NHLRC2: variants seen among roughly 807,000 people sequenced by gnomAD.
The protein encoded by NHLRC2 is NHL repeat containing 2.
A neutral mutation model predicts 68.1 loss-of-function variants in NHLRC2; 33 were observed. The observed-to-expected ratio is 0.48, with a 90% CI of 0.37 to 0.65. NHLRC2 has a LOEUF of 0.65. Among genes scored for constraint, NHLRC2 ranks in the 30% least tolerant of loss-of-function variants. NHLRC2 has a pLI of 0.00. For synonymous variants in NHLRC2, 311 were observed against 309.6 expected, an observed-to-expected ratio of 1.00 and a Z score of -0.05; for missense variants, 761 against 853.8, an observed-to-expected ratio of 0.89 and a Z score of 1.35.
At position 113,913,309 on chromosome 10, in the gene NHLRC2, AC is replaced by A. The variant is rs370116058; in HGVS notation, c.*4777del. ...TATTTATAGTAACTTAATCCAAAGA[AC>A]CCCAAAAGTACTAGCAATGATTGTT... On this transcript the variant is annotated 3_prime_UTR_variant, in exon 11 of 11. Transcript: ENST00000369301. 2.4e-4 allele frequency: 36 copies of A among 152,322 alleles called. 1 individual carries two copies. The highest frequency in any genetic ancestry group is 8.4e-4 in the African/African-American group (35 of 41,572). 9.4% of individuals were successfully genotyped at this position (152,322 alleles called of 1,614,324 possible).
intron 6 of NHLRC2, 119 bp downstream of exon 6, chr10:113,898,328 C>G (rs1846194706): frequency 1.7e-6 from 1 of 576,024 alleles, no homozygotes; most frequent in Non-Finnish European, 3.2e-6. Context: ...ACTGCCATAG[C>G]ACACAACGCA....
chr10:113,854,902 C>T lies in NHLRC2; in HGVS notation c.30C>T (p.Ser10=), dbSNP rs779515376. Residue 10 remains serine (S), a synonymous_variant, in exon 1 of 11, where the codon AGC becomes AGT. Transcript: ENST00000369301. ...CGGCGCCCGGAGGCCGGGGCCGCAG[C>T]CTCTCCGGCCTGCTCCCCGCGCAGA... is the stretch of plus-strand genomic sequence containing the variant. MAAPGGRGR[S]LSGLLPAQTS... 2.6e-6 allele frequency: 4 copies of T among 1,550,252 alleles called. No homozygotes were observed. The highest frequency in any genetic ancestry group is 1.2e-5 in the South Asian group (1 of 84,074).
intron 2 of NHLRC2, 183 bp downstream of exon 2, chr10:113,858,863 T>C (rs1845788642): frequency 2.4e-6 from 1 of 415,914 alleles, no homozygotes; most frequent in Non-Finnish European, 4.3e-6. Flanking sequence ...TTAGTGATAG[T>C]GGTTTGCCTA....
rs1229229793 is a variant in NHLRC2 at position 113,902,605 on chromosome 10, CAG to C, written c.1494+14_1494+15del. 4.4e-6 allele frequency: 7 copies of C among 1,597,552 alleles called. No individual in the cohort carries two copies. Among genetic ancestry groups the C allele is most frequent in the Admixed American group, 3.7e-5 (2 of 54,632 alleles). ...CCTACAATCACAAGGTGAGTCGTGACAGAATTATATAATATCTTGCTTTTTGT... is the reference window on the plus strand; with the variant it reads ...CCTACAATCACAAGGTGAGTCGTGACAATTATATAATATCTTGCTTTTTGT... On this transcript the variant is annotated intron_variant, in intron 8 of 10. Transcript: ENST00000369301.
intron 2 of NHLRC2, 149 bp from the exon 3 acceptor site, chr10:113,876,372 A>G: frequency 2.1e-6 from 1 of 472,366 alleles, no homozygotes; most frequent in Non-Finnish European, 3.7e-6. Context: ...GTGTGTTAAA[A>G]TGCAGTTGAA....
At chr10:113,880,713 C>G (rs1023946858) in intron 4 of NHLRC2, among the ~76,000 whole-genome samples, 2 of 151,852 alleles carry the variant, frequency 1.3e-5, no homozygotes, top group African/African-American at 4.8e-5. Flanking sequence ...TATGTTTTGT[C>G]TACTACTGAA....
intron 5 of NHLRC2, among the ~76,000 whole-genome samples, chr10:113,887,704 G>A (rs143917979): frequency 0.011 from 1,719 of 152,126 alleles, 46 homozygotes; most frequent in African/African-American, 0.038. Context: ...CCCGGGAGGC[G>A]GAGGTTGCAG....
rs1846393332 is a variant in NHLRC2 at position 113,917,014 on chromosome 10, T to C, written c.*8478T>C. On this transcript the variant is annotated 3_prime_UTR_variant, in exon 11 of 11. Transcript: ENST00000369301. ...TTTCAGTGACTTTTTCAAGTGCATG[T>C]GTTAACAGAAGATTGTTTGGAACGA... 1 of 152,228 alleles carries C rather than the reference T, an allele frequency of 6.6e-6. No individual in the cohort carries two copies. Among genetic ancestry groups the C allele is most frequent in the African/African-American group, 2.4e-5 (1 of 41,464 alleles). The allele number at this position is 152,228 out of a possible 1,614,324, so 9.4% of individuals were successfully genotyped here.
At chr10:113,863,958 T>C (rs1256521079) in intron 2 of NHLRC2, among the ~76,000 whole-genome samples, 1 of 152,180 alleles carries the variant, frequency 6.6e-6, no homozygotes, top group Non-Finnish European at 1.5e-5. Context: ...AGCATTATTC[T>C]CAATAGCCAA....
intron 5 of NHLRC2, among the ~76,000 whole-genome samples, chr10:113,892,148 T>C (rs181802630): frequency 3.3e-5 from 5 of 152,266 alleles, no homozygotes; most frequent in Non-Finnish European, 5.9e-5. Context: ...TCACGGATGC[T>C]CTTAGGAGGG....
chr10:113,859,409 A>G (rs1443825583), intron 2 of NHLRC2, among the ~76,000 whole-genome samples: 1 of 152,182 alleles, frequency 6.6e-6, no homozygotes, highest in East Asian at 1.9e-4. Flanking sequence ...AAAAAAAGAG[A>G]TAGGGTCACC....
rs189064734 is a variant in NHLRC2, at chr10:113,891,976, A to G, written c.1040-6134A>G. ...GAACTCTGCTTGGTGTCAGTAGAGC[A>G]TTTTTTCATCTACCTTTTCCACAGC... is the stretch of plus-strand genomic sequence containing the variant. On this transcript the variant is annotated intron_variant, in intron 5 of 10. Transcript: ENST00000369301. Among the ~76,000 whole-genome samples, 292 of 152,106 alleles carry G rather than the reference A, an allele frequency of 1.9e-3. 2 individuals carry two copies. Among genetic ancestry groups the G allele is most frequent in the African/African-American group, 6.8e-3 (282 of 41,500 alleles).
intron 2 of NHLRC2, among the ~76,000 whole-genome samples, chr10:113,866,724 C>CCTCGCCTG (rs748969119): frequency 2.2e-4 from 33 of 151,940 alleles, no homozygotes; most frequent in Non-Finnish European, 3.5e-4. Flanking sequence ...TGTTCTCAAA[C>CCTCGCCTG]CTCGCCTGCC....
intron 10 of NHLRC2, among the ~76,000 whole-genome samples, chr10:113,906,171 A>G (rs1473844037): frequency 6.6e-6 from 1 of 152,230 alleles, no homozygotes; most frequent in Non-Finnish European, 1.5e-5. Context: ...AAATGGTGTC[A>G]CTGTAGGAGC....
intron 5 of NHLRC2, among the ~76,000 whole-genome samples, chr10:113,893,888 A>G (rs1846154557): frequency 6.6e-6 from 1 of 152,218 alleles, no homozygotes; most frequent in South Asian, 2.1e-4. Context: ...TAAAGCTTAG[A>G]GCTAAATTTG....
In NHLRC2 at chr10:113,879,838, T is replaced by A. The variant is rs1357280592; in HGVS notation, c.909+143T>A. 9.3e-6 allele frequency: 5 copies of A among 534,894 alleles called. No homozygotes were observed. In the African/African-American group the frequency reaches 1.0e-4, roughly 11 times the overall value. 33.1% of individuals were successfully genotyped at this position (534,894 alleles called of 1,614,324 possible). ...CTTTTCTTGAGGTACGTACTTTAGT[T>A]TTATTCTCAAGTATCCTGTTTCTAT... On this transcript the variant is annotated intron_variant, in intron 4 of 10. Coordinates refer to ENST00000369301, the MANE Select transcript of NHLRC2 (RefSeq NM_198514.4).
At chr10:113,908,199 G>A (rs1224550150) in intron 10 of NHLRC2, 81 bp from the exon 11 acceptor site, 10 of 1,041,654 alleles carry the variant, frequency 9.6e-6, no homozygotes, top group East Asian at 2.4e-5. Context: ...TTTGTCGATC[G>A]AGTTTATCTA....
chr10:113,911,231 T>C lies in NHLRC2; in HGVS notation c.*2695T>C, dbSNP rs1020272214. 1.3e-5 allele frequency: 2 copies of C among 152,090 alleles called. No individual in the cohort carries two copies. Among genetic ancestry groups the C allele is most frequent in the Admixed American group, 6.5e-5 (1 of 15,270 alleles). 9.4% of individuals were successfully genotyped at this position (152,090 alleles called of 1,614,324 possible). ...TGCTGGTTTGTCGCTATTTTTTTCC[T>C]CTCCTCTTTATTATTTCACAAATGG... On this transcript the variant is annotated 3_prime_UTR_variant, in exon 11 of 11. Coordinates refer to ENST00000369301, the MANE Select transcript of NHLRC2 (RefSeq NM_198514.4).
intron 6 of NHLRC2, among the ~76,000 whole-genome samples, chr10:113,900,910 C>T (rs1285420951): frequency 1.3e-5 from 2 of 152,102 alleles, no homozygotes; most frequent in African/African-American, 4.8e-5. Context: ...TCAGCTGCTT[C>T]CCTTCCCTCA....
Sources: allele counts gnomAD v4.1 joint callset (sites outside exome capture counted in the v4.1 genomes callset), GRCh38; gene constraint gnomAD v4.1.1; transcripts MANE v1.5; gene names NCBI Gene and HGNC (gene_info 2026-07-23, HGNC 2026-07-21).